The following STARD5 variants were observed in gnomAD, a reference collection of about 807,000 sequenced individuals.
The protein encoded by STARD5 is stAR-related lipid transfer protein 5.
Under a neutral mutation model 24.6 loss-of-function variants are expected in STARD5, and 26 were observed. The ratio of observed to expected loss-of-function variants is 1.06; its 90% CI spans 0.77 to 1.47. The LOEUF is 1.47. Among genes scored for constraint, STARD5 ranks in the 40% most tolerant of loss-of-function variants. The pLI is 0.00. For missense variants in STARD5, 254 were observed against 270.8 expected, an observed-to-expected ratio of 0.94 and a Z score of 0.44; for synonymous variants, 101 against 99.7, an observed-to-expected ratio of 1.01 and a Z score of -0.07.
chr15:81,322,717 C>A, intron 2 of STARD5, 177 bp from the exon 3 acceptor site: 1 of 1,286,032 alleles, frequency 7.8e-7, no homozygotes, highest in Non-Finnish European at 1.1e-6. Context: ...CAGAAATGGA[C>A]AGTAAGCTTT....
rs1353675327 is a variant in STARD5 at position 81,311,481 on chromosome 15, C to G, written c.*1775G>C. On this transcript the variant is annotated 3_prime_UTR_variant, in exon 6 of 6. Coordinates refer to ENST00000302824, the MANE Select transcript of STARD5 (RefSeq NM_181900.3). ...ATGTTTTCCAGCTCCTCATCCAGGG[C>G]TCTGACCAGTTTAACCTGATGCAGT... is the stretch of plus-strand genomic sequence containing the variant. 1 of 152,252 alleles carries G rather than the reference C, an allele frequency of 6.6e-6. No individual in the cohort carries two copies. Among genetic ancestry groups the G allele is most frequent in the African/African-American group, 2.4e-5 (1 of 41,450 alleles). The allele number at this position is 152,252 out of a possible 1,614,324, so 9.4% of individuals were successfully genotyped here.
At position 81,322,468 on chromosome 15, in the gene STARD5, G is replaced by C; in HGVS notation, c.222C>G (p.Gly74=). The part of the protein sequence containing the change: ...VWDCVKPAVG[G]LRVKWDENVT... ...CATTCTCATCCCACTTCACTCGTAG[G>C]CCTCCAACAGCTGGCTTCACACAGT... The change falls in exon 3 of 6, where the codon GGC becomes GGG. Residue 74 remains glycine, a synonymous_variant. Transcript: ENST00000302824. 6.2e-7 allele frequency: 1 copy of C among 1,614,152 alleles called. No individual in the cohort carries two copies. Among genetic ancestry groups the C allele is most frequent in the Non-Finnish European group, 8.5e-7 (1 of 1,180,026 alleles).
intron 5 of STARD5, among the ~76,000 whole-genome samples, chr15:81,315,611 A>T (rs551620335): frequency 2.0e-5 from 3 of 152,182 alleles, no homozygotes; most frequent in African/African-American, 7.2e-5. Flanking sequence ...CCACAGATAC[A>T]GGCTCCTCCA....
rs1365081165 is a variant in STARD5, at chr15:81,311,051, T to C, written c.*2205A>G. 6.6e-6 allele frequency: 1 copy of C among 152,166 alleles called. No individual in the cohort carries two copies. Among genetic ancestry groups the C allele is most frequent in the African/African-American group, 2.4e-5 (1 of 41,418 alleles). The allele number at this position is 152,166 out of a possible 1,614,324, so 9.4% of individuals were successfully genotyped here. ...CTCTAGGCTGGGGAAGTCCTCTGGG[T>C]AGGAATCAGCAAGAAGATCCTAAAA... On this transcript the variant is annotated 3_prime_UTR_variant, in exon 6 of 6. Transcript: ENST00000302824.
At position 81,313,178 on chromosome 15, in the gene STARD5, C is replaced by G; in HGVS notation, c.*78G>C. Reference sequence around the variant, plus strand: ...GAGTGAACACAGGCCTCTGCGTGCTCCCAGGCTCCTTGGTGTCCCAACAGC... The same window carrying G: ...GAGTGAACACAGGCCTCTGCGTGCTGCCAGGCTCCTTGGTGTCCCAACAGC... On this transcript the variant is annotated 3_prime_UTR_variant, in exon 6 of 6. Coordinates refer to ENST00000302824, the MANE Select transcript of STARD5 (RefSeq NM_181900.3). The G allele has an allele frequency of 6.9e-7, 1 of 1,445,972 alleles. No individual in the cohort carries two copies. Among genetic ancestry groups the G allele is most frequent in the South Asian group, 1.5e-5 (1 of 65,310 alleles). The allele number at this position is 1,445,972 out of a possible 1,614,324, so 89.6% of individuals were successfully genotyped here. A position where few individuals can be genotyped will look rare whatever the true frequency, so the allele number is the denominator to read the frequency against.
intron 5 of STARD5, among the ~76,000 whole-genome samples, chr15:81,316,442 C>A (rs898730672): frequency 3.9e-5 from 6 of 152,196 alleles, no homozygotes; most frequent in Non-Finnish European, 8.8e-5. Flanking sequence ...AGCCAGATGG[C>A]CAGAATGAGA....
rs1338622647 is a variant in STARD5 at position 81,309,252 on chromosome 15, T to C, written c.*4004A>G. ...TCCCACTTGGCATCAGCTGGCGTCA[T>C]GCAAAGTCATGCAAAGGCTGGGACC... is the stretch of plus-strand genomic sequence containing the variant. On this transcript the variant is annotated 3_prime_UTR_variant, in exon 6 of 6. Transcript: ENST00000302824. The C allele has an allele frequency of 2.5e-5, 4 of 157,130 alleles. No homozygotes were observed. Among genetic ancestry groups the C allele is most frequent in the African/African-American group, 9.6e-5 (4 of 41,564 alleles). 9.7% of individuals were successfully genotyped at this position (157,130 alleles called of 1,614,324 possible). A position where few individuals can be genotyped will look rare whatever the true frequency, so the allele number is the denominator to read the frequency against.
Position 81,324,023 on chromosome 15 carries a change from C to T in STARD5, c.77G>A (p.Gly26Asp). 1 of 1,603,838 alleles carries T rather than the reference C, an allele frequency of 6.2e-7. No homozygotes were observed. The highest frequency in any genetic ancestry group is 1.3e-5 in the African/African-American group (1 of 74,914). ...KMLQYRRDTA[G>D]WKICREGNGV... Reference sequence around the variant, plus strand: ...CACGCCTTCCCGGCAAATCTTCCAGCCTGCTGTGTCCCGCCGGTACTGGAG... The same window carrying T: ...CACGCCTTCCCGGCAAATCTTCCAGTCTGCTGTGTCCCGCCGGTACTGGAG... The change falls in exon 1 of 6, where the codon GGC becomes GAC. Residue 26 changes from glycine (G) to aspartate (D), a missense_variant. Physicochemically the swap from Gly to Asp is moderately conservative, Grantham distance 94. Coordinates refer to ENST00000302824, the MANE Select transcript of STARD5 (RefSeq NM_181900.3).
rs114207201 is a variant in STARD5 at position 81,316,863 on chromosome 15, T to A, written c.494+1546A>T. ...CAACACTTGAGTTAAAACCTTCATA[T>A]GGGCAGGGTTTTGTGGGACCCCAAC... On this transcript the variant is annotated intron_variant, in intron 5 of 5. Coordinates refer to ENST00000302824, the MANE Select transcript of STARD5 (RefSeq NM_181900.3). Among the ~76,000 whole-genome samples, 1,245 of 152,264 alleles carry A rather than the reference T, an allele frequency of 8.2e-3. 19 individuals are homozygous for A. Among genetic ancestry groups the A allele is most frequent in the African/African-American group, 0.029 (1,184 of 41,540 alleles).
rs945964377 is a variant in STARD5 at position 81,310,429 on chromosome 15, G to C, written c.*2827C>G. 1.3e-5 allele frequency: 2 copies of C among 152,160 alleles called. No homozygotes were observed. Among genetic ancestry groups the C allele is most frequent in the African/African-American group, 4.8e-5 (2 of 41,440 alleles). The allele number at this position is 152,160 out of a possible 1,614,324, so 9.4% of individuals were successfully genotyped here. On this transcript the variant is annotated 3_prime_UTR_variant, in exon 6 of 6. Coordinates refer to ENST00000302824, the MANE Select transcript of STARD5 (RefSeq NM_181900.3). ...GAATAATGGGCTTAGAGCAGTTTCT[G>C]TCCTGCTGGTTAACTTGTTTGGCCT...
chr15:81,319,085 C>A (rs1363133790), intron 4 of STARD5, among the ~76,000 whole-genome samples: 1 of 149,522 alleles, frequency 6.7e-6, no homozygotes, highest in Admixed American at 6.7e-5. Context: ...ACACCATGAG[C>A]TTCCGCAGGA....
chr15:81,323,782 T>A, intron 1 of STARD5: 1 of 708,258 alleles, frequency 1.4e-6, no homozygotes, highest in Non-Finnish European at 2.4e-6. Context: ...AGTCACTGAG[T>A]GAAAGGAACA....
In STARD5 at chr15:81,313,111, T is replaced by G. The variant is rs1189272452; in HGVS notation, c.*145A>C. 1 of 1,005,478 alleles carries G rather than the reference T, an allele frequency of 9.9e-7. No individual in the cohort carries two copies. Among genetic ancestry groups the G allele is most frequent in the African/African-American group, 1.7e-5 (1 of 58,944 alleles). 62.3% of individuals were successfully genotyped at this position (1,005,478 alleles called of 1,614,324 possible). Reference sequence around the variant, plus strand: ...AGGAAGGGTGGGCTGCCGCCTCTGGTTGGCATTCTCAGAGATGCGCAGTCC... The same window carrying G: ...AGGAAGGGTGGGCTGCCGCCTCTGGGTGGCATTCTCAGAGATGCGCAGTCC... On this transcript the variant is annotated 3_prime_UTR_variant, in exon 6 of 6. Coordinates refer to ENST00000302824, the MANE Select transcript of STARD5 (RefSeq NM_181900.3).
rs1420264774 is a variant in STARD5, at chr15:81,312,514, A to G, written c.*742T>C. On this transcript the variant is annotated 3_prime_UTR_variant, in exon 6 of 6. Transcript: ENST00000302824. Reference sequence around the variant, plus strand: ...CCCATGCAGACATGAGTGCGTGCTCAGTTCAGAATCACTTCTGAGAACTCA... The same window carrying G: ...CCCATGCAGACATGAGTGCGTGCTCGGTTCAGAATCACTTCTGAGAACTCA... 3 of 152,260 alleles carry G rather than the reference A, an allele frequency of 2.0e-5. No homozygotes were observed. Among genetic ancestry groups the G allele is most frequent in the Non-Finnish European group, 2.9e-5 (2 of 68,060 alleles). 9.4% of individuals were successfully genotyped at this position (152,260 alleles called of 1,614,324 possible).
At chr15:81,323,331 G>C (rs1045803223) in intron 1 of STARD5, 1 of 295,204 alleles carries the variant, frequency 3.4e-6, no homozygotes, top group African/African-American at 2.6e-5. Context: ...TGAAAAGTCA[G>C]AAGGGTCAAG....
At chr15:81,322,356 C>T (rs1893305530) in intron 3 of STARD5, 52 bp downstream of exon 3, 1 of 1,611,332 alleles carries the variant, frequency 6.2e-7, no homozygotes, top group South Asian at 1.1e-5. Flanking sequence ...GAGGGGGTTA[C>T]TATAGCCTGG....
intron 1 of STARD5, chr15:81,323,355 A>T: frequency 3.3e-6 from 1 of 300,372 alleles, no homozygotes; most frequent in South Asian, 3.4e-5. Flanking sequence ...AACTACTCCC[A>T]TGCTACCCTC....
Position 81,323,845 on chromosome 15 carries a change from AAAG to A in STARD5, c.99+153_99+155del, listed in dbSNP as rs200312585. 3,695 of 784,444 alleles carry A rather than the reference AAAG, an allele frequency of 4.7e-3. 101 individuals are homozygous for A. The African/African-American group carries it at 0.058, about 12-fold the overall frequency. 48.6% of individuals were successfully genotyped at this position (784,444 alleles called of 1,614,324 possible). A position where few individuals can be genotyped will look rare whatever the true frequency, so the allele number is the denominator to read the frequency against. On this transcript the variant is annotated intron_variant, in intron 1 of 5. Coordinates refer to ENST00000302824, the MANE Select transcript of STARD5 (RefSeq NM_181900.3). ...GCATAACAGGCCCAATCTTTTTTTTAAAGAAGAAAACAATCCCCATTGGAATCC... is the reference window on the plus strand; with the variant it reads ...GCATAACAGGCCCAATCTTTTTTTTAAAGAAAACAATCCCCATTGGAATCC...
In STARD5 at chr15:81,311,497, C is replaced by T. The variant is rs769184302; in HGVS notation, c.*1759G>A. 107 of 152,262 alleles carry T rather than the reference C, an allele frequency of 7.0e-4. No homozygotes were observed. The highest frequency in any genetic ancestry group is 7.9e-4 in the Admixed American group (12 of 15,280). The allele number at this position is 152,262 out of a possible 1,614,324, so 9.4% of individuals were successfully genotyped here. ...CATCCAGGGCTCTGACCAGTTTAACCTGATGCAGTCACGTGGAGGAGCAGT... is the reference window on the plus strand; with the variant it reads ...CATCCAGGGCTCTGACCAGTTTAACTTGATGCAGTCACGTGGAGGAGCAGT... On this transcript the variant is annotated 3_prime_UTR_variant, in exon 6 of 6. Transcript: ENST00000302824.
Sources: allele counts gnomAD v4.1 joint callset (sites outside exome capture counted in the v4.1 genomes callset), GRCh38; gene constraint gnomAD v4.1.1; transcripts MANE v1.5; gene names NCBI Gene and HGNC (gene_info 2026-07-23, HGNC 2026-07-21).